Variants in ARHGAP42 observed in about 807,000 individuals in gnomAD.
ARHGAP42 encodes the protein rho GTPase-activating protein 42.
ARHGAP42 carries 63 observed loss-of-function variants against 125.0 expected under a neutral mutation model. That is an observed-to-expected ratio of 0.50 (90% CI 0.41 to 0.62). The LOEUF (loss-of-function observed/expected upper bound fraction) is 0.62, where lower values mean the gene tolerates loss of function less well. ARHGAP42 is among the 20% of genes least tolerant of loss of function. ARHGAP42 has a pLI of 0.00. For missense variants in ARHGAP42, 766 were observed against 1,024.2 expected (o/e 0.75, Z 3.44); for synonymous variants, 339 against 351.0 (o/e 0.97, Z 0.38).
At chr11:100,929,907 A>C (rs1431766737) in intron 6 of ARHGAP42, among the ~76,000 whole-genome samples, 1 of 152,084 alleles carries the variant, frequency 6.6e-6, no homozygotes, top group Non-Finnish European at 1.5e-5. Context: ...TTAATTTTGA[A>C]TATTTGTTCC....
intron 4 of ARHGAP42, among the ~76,000 whole-genome samples, chr11:100,867,997 C>G (rs1431830574): frequency 6.6e-6 from 1 of 152,150 alleles, no homozygotes; most frequent in Non-Finnish European, 1.5e-5. Flanking sequence ...ATTAAATTCA[C>G]TGTTTTATAT....
At chr11:100,711,079 T>G (rs1861558585) in intron 1 of ARHGAP42, among the ~76,000 whole-genome samples, 1 of 152,258 alleles carries the variant, frequency 6.6e-6, no homozygotes. Context: ...ATGTTGAGTT[T>G]GTGAAGATTT....
At chr11:100,943,360 G>A (rs78422810) in intron 9 of ARHGAP42, among the ~76,000 whole-genome samples, 7,524 of 151,978 alleles carry the variant, frequency 0.05, 326 homozygotes, top group East Asian at 0.25. Context: ...AATCCAGGGA[G>A]TTTTGATTAA....
intron 1 of ARHGAP42, among the ~76,000 whole-genome samples, chr11:100,693,005 G>A (rs1325512550): frequency 6.6e-6 from 1 of 152,058 alleles, no homozygotes; most frequent in Non-Finnish European, 1.5e-5. Context: ...AGAATTTTTG[G>A]TAGCACAAGG....
At chr11:100,895,493 C>CTTT (rs55789058) in intron 4 of ARHGAP42, among the ~76,000 whole-genome samples, 7,865 of 123,262 alleles carry the variant, frequency 0.064, 250 homozygotes, top group East Asian at 0.16. Context: ...AAAAGAGCAA[C>CTTT]TTTTTTTTTT....
At chr11:100,974,629 T>C in intron 19 of ARHGAP42, 26 bp downstream of exon 19, 2 of 1,529,842 alleles carry the variant, frequency 1.3e-6, no homozygotes, top group South Asian at 1.2e-5. Flanking sequence ...CTTAGGGAGA[T>C]GCTTTCTTCA....
intron 3 of ARHGAP42, among the ~76,000 whole-genome samples, chr11:100,857,265 A>G (rs1372580925): frequency 6.6e-6 from 1 of 152,186 alleles, no homozygotes; most frequent in African/African-American, 2.4e-5. Context: ...CAAAGGAAAA[A>G]TAACCCAAGA....
chr11:100,796,534 A>T (rs557565471), intron 3 of ARHGAP42, among the ~76,000 whole-genome samples: 20 of 152,340 alleles, frequency 1.3e-4, no homozygotes, highest in Admixed American at 2.6e-4. Flanking sequence ...TCAAAACCTG[A>T]TGCAGGCTTA....
chr11:100,812,058 C>T (rs1014655608), intron 3 of ARHGAP42, among the ~76,000 whole-genome samples: 6 of 152,290 alleles, frequency 3.9e-5, no homozygotes, highest in Non-Finnish European at 5.9e-5. Flanking sequence ...ACCTAGGCCT[C>T]CCAAAGTGCT....
Position 100,813,119 on chromosome 11 carries a change from T to C in ARHGAP42, c.312+17953T>C, listed in dbSNP as rs182830040. ...TAAGAGGATTTGCTCATTGATCAAA[T>C]GTAGATTGCAAGAGAAAGGGAGGCG... On this transcript the variant is annotated intron_variant, in intron 3 of 23. Transcript: ENST00000298815. Among the ~76,000 whole-genome samples, 187 of 152,000 alleles carry C rather than the reference T, an allele frequency of 1.2e-3. 1 individual carries two copies. The highest frequency in any genetic ancestry group is 6.8e-3 in the Middle Eastern group (2 of 294).
chr11:100,897,413 C>G (rs971878644), intron 4 of ARHGAP42, among the ~76,000 whole-genome samples: 2 of 152,134 alleles, frequency 1.3e-5, no homozygotes, highest in Non-Finnish European at 2.9e-5. Context: ...GGCATTGAAT[C>G]TATAAATTAC....
intron 1 of ARHGAP42, among the ~76,000 whole-genome samples, chr11:100,757,128 T>TA (rs1195765462): frequency 2.0e-5 from 3 of 152,174 alleles, no homozygotes; most frequent in Non-Finnish European, 4.4e-5. Context: ...TGAGACTTTT[T>TA]AAAGTGAGAA....
intron 3 of ARHGAP42, among the ~76,000 whole-genome samples, chr11:100,838,238 A>G (rs1365467336): frequency 2.6e-5 from 4 of 151,932 alleles, no homozygotes; most frequent in Admixed American, 6.6e-5. Flanking sequence ...TTTTCTCATT[A>G]CTGTTGGTGT....
intron 1 of ARHGAP42, among the ~76,000 whole-genome samples, chr11:100,696,588 C>T (rs1337885777): frequency 6.6e-6 from 1 of 152,094 alleles, no homozygotes. Flanking sequence ...CTCCTGACCT[C>T]ATATGATCCA....
chr11:100,732,443 A>T (rs670627), intron 1 of ARHGAP42, among the ~76,000 whole-genome samples: 19,459 of 152,202 alleles, frequency 0.13, 1,670 homozygotes, highest in Non-Finnish European at 0.19. Context: ...GCAAACTTAA[A>T]CAAGAATGTA....
At chr11:100,772,819 G>C (rs142747650) in intron 2 of ARHGAP42, among the ~76,000 whole-genome samples, 1 of 152,082 alleles carries the variant, frequency 6.6e-6, no homozygotes, top group Admixed American at 6.6e-5. Context: ...ACATATTTAC[G>C]TAACAGTTAT....
At position 100,989,300 on chromosome 11, in the gene ARHGAP42, A is replaced by T. The variant is rs1858769525; in HGVS notation, c.*499A>T. 2.5e-6 allele frequency: 1 copy of T among 393,994 alleles called. No homozygotes were observed. The highest frequency in any genetic ancestry group is 4.4e-5 in the Admixed American group (1 of 22,660). 24.4% of individuals were successfully genotyped at this position (393,994 alleles called of 1,614,324 possible). The stretch of plus-strand genomic sequence containing the variant: ...TATGATTGTTTTGCTGGTCCTAAAC[A>T]TTTCAAGGATGTAAGTCTTTGTTTT... On this transcript the variant is annotated 3_prime_UTR_variant, in exon 24 of 24. Coordinates refer to ENST00000298815, the MANE Select transcript of ARHGAP42 (RefSeq NM_152432.4).
In ARHGAP42 at chr11:100,976,815, G is replaced by T. The variant is rs1217772727; in HGVS notation, c.2237G>T (p.Gly746Val). The change falls in exon 21 of 24, where the codon GGA becomes GTA. Residue 746 changes from glycine to valine, a missense_variant and splice_region_variant. Transcript: ENST00000298815. ...SSLRSISAAE[G>V]NKSYSGSIQS... ...CTATTTTCTTGGGCTTTCTTTTTAG[G>T]AAACAAGAGCTACAGTGGATCTATT... is the stretch of plus-strand genomic sequence containing the variant. 1.3e-6 allele frequency: 2 copies of T among 1,549,416 alleles called. No homozygotes were observed. The highest frequency in any genetic ancestry group is 2.7e-5 in the African/African-American group (2 of 72,910).
chr11:100,822,433 AATAC>A (rs997150863), intron 3 of ARHGAP42, among the ~76,000 whole-genome samples: 1 of 152,140 alleles, frequency 6.6e-6, no homozygotes, highest in African/African-American at 2.4e-5. Flanking sequence ...CTATAATAAT[AATAC>A]ATAAAATGGA....
Sources: gnomAD v4.1 joint callset for allele counts (sites outside exome capture counted in the v4.1 genomes callset) on GRCh38, gnomAD v4.1.1 for gene constraint, MANE v1.5 for transcripts, NCBI Gene and HGNC (gene_info 2026-07-23, HGNC 2026-07-21) for gene names.